The following CXADR variants were observed in gnomAD, a reference collection of about 807,000 sequenced individuals.
CXADR encodes CXADR cell adhesion molecule, also known as coxsackievirus and adenovirus receptor.
A neutral mutation model predicts 40.3 loss-of-function variants in CXADR; 20 were observed. The ratio of observed to expected loss-of-function variants is 0.50; its 90% CI spans 0.35 to 0.72. CXADR has a LOEUF of 0.72. CXADR is among the 30% of genes least tolerant of loss of function. The pLI is 0.01. For synonymous variants in CXADR, 150 were observed against 161.3 expected (o/e 0.93, Z 0.53); for missense variants, 332 against 449.1 (o/e 0.74, Z 2.36).
chr21:17,625,474 C>A, the CXADR span, among the ~76,000 whole-genome samples: 8 of 151,932 alleles, frequency 5.3e-5, no homozygotes, highest in Non-Finnish European at 1.2e-4. Flanking sequence ...TAATGACGTA[C>A]CCCAAAATAT....
the CXADR span, chr21:17,598,757 T>G: frequency 1.2e-6 from 2 of 1,614,090 alleles, no homozygotes; most frequent in African/African-American, 2.7e-5. Context: ...TTCCTGGAGA[T>G]CTCATCCTTG....
At chr21:17,543,763 CA>C (rs1345906694) in intron 1 of CXADR, among the ~76,000 whole-genome samples, 2 of 152,184 alleles carry the variant, frequency 1.3e-5, no homozygotes, top group African/African-American at 4.8e-5. Context: ...CAATTTATTT[CA>C]GCCCTAATAG....
chr21:17,547,236 A>T lies in CXADR; in HGVS notation c.210+43A>T, dbSNP rs533918954. 3.1e-6 allele frequency: 5 copies of T among 1,611,554 alleles called. No homozygotes were observed. The East Asian group carries it at 1.1e-4, about 36-fold the overall frequency. On this transcript the variant is annotated intron_variant, in intron 2 of 6. Transcript: ENST00000284878. ...TTGCTCGCTTAGCAGCTGTCTGTGC[A>T]ACTATCTGATGTGTCCATCACCTTG... is the stretch of plus-strand genomic sequence containing the variant.
chr21:17,556,978 T>G (rs772198077), intron 3 of CXADR, among the ~76,000 whole-genome samples: 1 of 152,212 alleles, frequency 6.6e-6, no homozygotes, highest in Non-Finnish European at 1.5e-5. Context: ...GATCCAGCAG[T>G]TACTAAGACA....
the CXADR span, among the ~76,000 whole-genome samples, chr21:17,617,281 T>C: frequency 6.7e-6 from 1 of 148,760 alleles, no homozygotes; most frequent in Admixed American, 6.6e-5. Context: ...TTTCCCAGCT[T>C]GGCAGGAGAG....
At chr21:17,531,425 T>C (rs1254523364) in intron 1 of CXADR, among the ~76,000 whole-genome samples, 1 of 152,234 alleles carries the variant, frequency 6.6e-6, no homozygotes, top group African/African-American at 2.4e-5. Context: ...ATAATTTTCT[T>C]TTCTTATTCT....
chr21:17,558,315 T>G (rs1021050775), intron 3 of CXADR, among the ~76,000 whole-genome samples: 1 of 152,000 alleles, frequency 6.6e-6, no homozygotes, highest in Non-Finnish European at 1.5e-5. Context: ...GTTTTTATTA[T>G]GACAGAGTCT....
At chr21:17,571,663 G>A (rs557074166), downstream of CXADR, among the ~76,000 whole-genome samples, 48 of 152,098 alleles carry the variant, frequency 3.2e-4, no homozygotes, top group Non-Finnish European at 6.0e-4. Flanking sequence ...TTTTCTGCCG[G>A]TATTTCCAAA....
At chr21:17,594,873 C>A (rs184853650), downstream of CXADR, among the ~76,000 whole-genome samples, 19 of 151,878 alleles carry the variant, frequency 1.3e-4, no homozygotes, top group African/African-American at 4.6e-4. Context: ...GGAAAAGGAG[C>A]AGAAAAGATA....
chr21:17,575,052 AG>A (rs2061310703), downstream of CXADR, among the ~76,000 whole-genome samples: 1 of 20,934 alleles, frequency 4.8e-5, no homozygotes, highest in African/African-American at 7.9e-5. Flanking sequence ...TACATACATA[AG>A]GGTTGATATT....
chr21:17,604,831 C>G, the CXADR span: 1 of 1,599,694 alleles, frequency 6.3e-7, no homozygotes, highest in Non-Finnish European at 8.5e-7. Context: ...GCATGGTCAT[C>G]AGTTCAGCCT....
intron 1 of CXADR, among the ~76,000 whole-genome samples, chr21:17,514,565 GA>G (rs11289742): frequency 0.77 from 110,103 of 142,354 alleles, 42,580 homozygotes; most frequent in Admixed American, 0.81. Context: ...TGTTCTCTGG[GA>G]AAAAAAAAAA....
rs2061207453 is a variant in CXADR at position 17,566,248 on chromosome 21, G to T, written c.*556G>T. The T allele has an allele frequency of 1.0e-6, 1 of 979,108 alleles. No homozygotes were observed. Among genetic ancestry groups the T allele is most frequent in the Non-Finnish European group, 1.2e-6 (1 of 824,410 alleles). 60.7% of individuals were successfully genotyped at this position (979,108 alleles called of 1,614,324 possible). Reference sequence around the variant, plus strand: ...CTAAAAACATAGAAAACACTACAGTGGTTTAGAAATTACTAATTTTACTTC... The same window carrying T: ...CTAAAAACATAGAAAACACTACAGTTGTTTAGAAATTACTAATTTTACTTC... On this transcript the variant is annotated 3_prime_UTR_variant, in exon 7 of 7. Transcript: ENST00000284878.
chr21:17,626,510 A>G, the CXADR span, among the ~76,000 whole-genome samples: 1 of 152,222 alleles, frequency 6.6e-6, no homozygotes, highest in Non-Finnish European at 1.5e-5. Context: ...AAGTTTCCCA[A>G]GGAATCAGCA....
Position 17,563,940 on chromosome 21 carries a change from C to CAAAAAAAAAAAAAAAAAAAAAAA in CXADR, c.834-1467_834-1466insAAAAAAAAAAAAAAAAAAAAAAA, listed in dbSNP as rs35020228. 1.6e-3 allele frequency among the ~76,000 whole-genome samples: 61 copies of CAAAAAAAAAAAAAAAAAAAAAAA among 37,196 alleles called. 4 individuals carry two copies. Among genetic ancestry groups the CAAAAAAAAAAAAAAAAAAAAAAA allele is most frequent in the East Asian group, 4.6e-3 (5 of 1,084 alleles). 24.4% of individuals were successfully genotyped at this position (37,196 alleles called of 152,430 possible). The stretch of plus-strand genomic sequence containing the variant: ...TGGGCAACAGAGCAAGACTCTGTCT[C>CAAAAAAAAAAAAAAAAAAAAAAA]AAAAAAAAAAAAAAAAAAAAAGGTA... On this transcript the variant is annotated intron_variant, in intron 6 of 6. Transcript: ENST00000284878.
At chr21:17,561,219 A>C in intron 5 of CXADR, 119 bp from the exon 6 acceptor site, 1 of 584,232 alleles carries the variant, frequency 1.7e-6, no homozygotes, top group Admixed American at 4.6e-5. Context: ...CAAAAAGACT[A>C]AATAATTTGT....
intron 1 of CXADR, among the ~76,000 whole-genome samples, chr21:17,528,317 G>A (rs1302649191): frequency 4.6e-5 from 7 of 151,818 alleles, no homozygotes; most frequent in South Asian, 2.1e-4. Flanking sequence ...CTCGTGATTC[G>A]CCTGCCTTGG....
intron 7 of CXADR, among the ~76,000 whole-genome samples, chr21:17,576,372 G>A (rs569044669): frequency 6.6e-6 from 1 of 152,054 alleles, no homozygotes; most frequent in Non-Finnish European, 1.5e-5. Flanking sequence ...TTTACCTCAT[G>A]AATAAAATAG....
At chr21:17,548,948 A>T (rs914452032) in intron 2 of CXADR, among the ~76,000 whole-genome samples, 1 of 152,228 alleles carries the variant, frequency 6.6e-6, no homozygotes, top group Non-Finnish European at 1.5e-5. Context: ...AAGAGGATGC[A>T]TACATGGAAT....
Sources: gnomAD v4.1 joint callset for allele counts (sites outside exome capture counted in the v4.1 genomes callset) on GRCh38, gnomAD v4.1.1 for gene constraint, MANE v1.5 for transcripts, NCBI Gene and HGNC (gene_info 2026-07-23, HGNC 2026-07-21) for gene names.